The following ICE1 variants were observed in gnomAD, a reference collection of about 807,000 sequenced individuals.
The protein encoded by ICE1 is little elongation complex subunit 1.
In ICE1, 64 loss-of-function variants were observed where a neutral mutation model predicts 192.7. The observed-to-expected ratio is 0.33, with a 90% CI of 0.27 to 0.41. The LOEUF is 0.41. Among genes scored for constraint, ICE1 ranks in the 10% least tolerant of loss-of-function variants. ICE1 has a pLI of 1.00. For synonymous variants in ICE1, 1,010 were observed against 984.5 expected (o/e 1.03, Z -0.49); for missense variants, 2,708 against 2,696.0 (o/e 1.00, Z -0.10).
In ICE1 at chr5:5,463,194, T is replaced by C. The variant is rs763052853; in HGVS notation, c.3860T>C (p.Leu1287Pro). 9 of 1,611,610 alleles carry C rather than the reference T, an allele frequency of 5.6e-6. No individual in the cohort carries two copies. In the East Asian group the frequency reaches 8.9e-5, roughly 16 times the overall value. ...GGTAAAGATACTGGCAGTTTATTGC[T>C]CTTAAATGTAAATAACAACATGACC... is the stretch of plus-strand genomic sequence containing the variant. The part of the protein sequence containing the change: ...CNGKDTGSLL[L>P]LNVNNNMTTE... The change falls in exon 13 of 19, where the codon CTC becomes CCC. Residue 1287 changes from leucine to proline, a missense_variant. Physicochemically the swap from Leu to Pro is moderately conservative, Grantham distance 98 (BLOSUM62 -3). Transcript: ENST00000296564.
At chr5:5,423,021 C>T (rs1271343231) in intron 1 of ICE1, 22 bp downstream of exon 1, 4 of 1,347,396 alleles carry the variant, frequency 3.0e-6, no homozygotes, top group Admixed American at 3.2e-5. Context: ...CCCGGGGCCC[C>T]GGGCGCGGGG....
intron 17 of ICE1, among the ~76,000 whole-genome samples, chr5:5,480,057 T>G (rs556369755): frequency 6.6e-6 from 1 of 152,220 alleles, no homozygotes; most frequent in East Asian, 1.9e-4. Context: ...GTAACAAACC[T>G]GTACGTTCTG....
intron 1 of ICE1, among the ~76,000 whole-genome samples, chr5:5,432,803 T>C (rs1737761150): frequency 6.6e-6 from 1 of 152,218 alleles, no homozygotes; most frequent in Non-Finnish European, 1.5e-5. Flanking sequence ...TATAATATTA[T>C]TTATCTCATC....
chr5:5,449,772 C>G (rs191122043), intron 10 of ICE1, among the ~76,000 whole-genome samples: 8 of 152,240 alleles, frequency 5.3e-5, no homozygotes, highest in Admixed American at 1.3e-4. Context: ...AACTGTGGCC[C>G]CAGTTTCATT....
chr5:5,472,789 A>T (rs1455598138), intron 15 of ICE1, among the ~76,000 whole-genome samples: 2 of 152,120 alleles, frequency 1.3e-5, no homozygotes, highest in African/African-American at 4.8e-5. Flanking sequence ...TTATAATGAA[A>T]CTCATGCAGT....
chr5:5,448,313 A>G (rs1036253068), intron 10 of ICE1, among the ~76,000 whole-genome samples: 1 of 152,250 alleles, frequency 6.6e-6, no homozygotes, highest in African/African-American at 2.4e-5. Context: ...GTAAAGCCCT[A>G]TATAGTATAG....
intron 3 of ICE1, among the ~76,000 whole-genome samples, chr5:5,438,630 A>G (rs903703588): frequency 1.3e-5 from 2 of 152,082 alleles, no homozygotes; most frequent in Admixed American, 6.5e-5. Context: ...TTAGGAGAGT[A>G]TGTGTTCATT....
chr5:5,473,650 T>G lies in ICE1; in HGVS notation c.6315T>G (p.Phe2105Leu), dbSNP rs1300095322. The change falls in exon 16 of 19, where the codon TTT becomes TTG. Residue 2105 changes from phenylalanine to leucine, a missense_variant. Physicochemically the swap from Phe to Leu is conservative, Grantham distance 22. This residue lies in a region of ICE1 where 342 missense variants were observed against 419.3 expected (regional missense o/e 0.82). Transcript: ENST00000296564. ...PKTEFQPSEK[F>L]GEDLSDNTWE... Reference sequence around the variant, plus strand: ...CAGAATTTCAACCTAGTGAAAAATTTGGTGAAGACCTAAGTGATAACACTT... The same window carrying G: ...CAGAATTTCAACCTAGTGAAAAATTGGGTGAAGACCTAAGTGATAACACTT... 1 of 1,613,590 alleles carries G rather than the reference T, an allele frequency of 6.2e-7. No homozygotes were observed. The highest frequency in any genetic ancestry group is 1.1e-5 in the South Asian group (1 of 90,978).
intron 17 of ICE1, among the ~76,000 whole-genome samples, chr5:5,483,758 G>A (rs1269999548): frequency 6.6e-6 from 1 of 152,162 alleles, no homozygotes; most frequent in Non-Finnish European, 1.5e-5. Flanking sequence ...TGTATTAACT[G>A]GAACCTAGAG....
At chr5:5,439,078 T>G (rs1481154195) in intron 3 of ICE1, among the ~76,000 whole-genome samples, 1 of 152,222 alleles carries the variant, frequency 6.6e-6, no homozygotes, top group African/African-American at 2.4e-5. Context: ...TGCACTATGA[T>G]AATTCAGTAT....
At chr5:5,455,001 C>G (rs747329608) in intron 11 of ICE1, among the ~76,000 whole-genome samples, 1 of 152,052 alleles carries the variant, frequency 6.6e-6, no homozygotes, top group Admixed American at 6.6e-5. Flanking sequence ...TTTATCAGTT[C>G]CTTTGGTTGA....
intron 3 of ICE1, among the ~76,000 whole-genome samples, chr5:5,438,108 C>T (rs1239691372): frequency 1.3e-5 from 2 of 152,198 alleles, no homozygotes; most frequent in Non-Finnish European, 2.9e-5. Flanking sequence ...AACTTATAAT[C>T]ATGGCAGAAG....
rs375190117 is a variant in ICE1, at chr5:5,462,455, A to G, written c.3121A>G (p.Thr1041Ala). The part of the protein sequence containing the change: ...ALAVANDSTS[T>A]PQNANGLWKL... ...GGCTGTTGCAAATGATTCTACCAGC[A>G]CACCACAAAATGCTAATGGACTTTG... Residue 1041 changes from threonine (T) to alanine (A), a missense_variant, in exon 13 of 19, where the codon ACA (threonine) becomes GCA (alanine). Physicochemically the swap from Thr to Ala is moderately conservative, Grantham distance 58. Around this residue, in one of 2 missense-constraint regions of ICE1, gnomAD observed 2,366 missense variants for 2,276.6 expected, o/e 1.04. Coordinates refer to ENST00000296564, the MANE Select transcript of ICE1 (RefSeq NM_015325.3). The G allele has an allele frequency of 8.9e-5, 143 of 1,613,912 alleles. No homozygotes were observed. Among genetic ancestry groups the G allele is most frequent in the Non-Finnish European group, 1.2e-4 (140 of 1,179,896 alleles).
At chr5:5,447,785 T>A in intron 9 of ICE1, 25 bp downstream of exon 9, 1 of 1,574,520 alleles carries the variant, frequency 6.4e-7, no homozygotes, top group South Asian at 1.2e-5. Context: ...AATGCTTACA[T>A]AAATTTATTT....
Position 5,466,483 on chromosome 5 carries a change from C to T in ICE1, c.6042C>T (p.Cys2014=). Residue 2014 remains cysteine, a synonymous_variant, in exon 14 of 19, where the codon TGC becomes TGT. Transcript: ENST00000296564. ...ACTTGGAAAGAGCTCGTTTGTTTTG[C>T]TACAGCCTACTTAAAGAAGGTATGC... The part of the protein sequence containing the change: ...LGDLERARLF[C]YSLLKEDFPE... The T allele has an allele frequency of 6.2e-7, 1 of 1,607,572 alleles. No individual in the cohort carries two copies. The highest frequency in any genetic ancestry group is 8.5e-7 in the Non-Finnish European group (1 of 1,178,154).
chr5:5,459,468 G>T (rs1054825942), intron 12 of ICE1, among the ~76,000 whole-genome samples: 1 of 152,220 alleles, frequency 6.6e-6, no homozygotes, highest in African/African-American at 2.4e-5. Flanking sequence ...CAGCACTTGA[G>T]TGCAGTGGAA....
At chr5:5,460,377 TG>T in intron 12 of ICE1, 58 bp from the exon 13 acceptor site, 2 of 1,031,786 alleles carry the variant, frequency 1.9e-6, no homozygotes, top group Non-Finnish European at 2.8e-6. Flanking sequence ...TGCATTTAAT[TG>T]ATAGTCATGT....
chr5:5,437,069 CT>C lies in ICE1; in HGVS notation c.144-5del. The C allele has an allele frequency of 6.8e-7, 1 of 1,466,346 alleles. No homozygotes were observed. The highest frequency in any genetic ancestry group is 9.4e-7 in the Non-Finnish European group (1 of 1,069,444). 90.8% of individuals were successfully genotyped at this position (1,466,346 alleles called of 1,614,324 possible). A position where few individuals can be genotyped will look rare whatever the true frequency, so the allele number is the denominator to read the frequency against. On this transcript the variant is annotated splice_polypyrimidine_tract_variant and intron_variant, in intron 2 of 18. Transcript: ENST00000296564. ...TAAAAAGTAACCTAATTTTTCTTTT[CT>C]TTTTTGCAGTAATTTGTTAACAGAA...
chr5:5,451,861 T>C (rs1170282251), intron 10 of ICE1, among the ~76,000 whole-genome samples: 1 of 152,178 alleles, frequency 6.6e-6, no homozygotes, highest in Non-Finnish European at 1.5e-5. Flanking sequence ...TCAAATAGCA[T>C]GCACACATGT....
Sources: allele counts gnomAD v4.1 joint callset (sites outside exome capture counted in the v4.1 genomes callset), GRCh38; gene constraint gnomAD v4.1.1; regional missense constraint gnomAD v4.1.1; transcripts MANE v1.5; gene names NCBI Gene and HGNC (gene_info 2026-07-23, HGNC 2026-07-21).